The following PDZD2 variants were observed in gnomAD, a reference collection of about 807,000 sequenced individuals.
The protein encoded by PDZD2 is PDZ domain containing 2, also known as PDZ domain-containing protein 2.
Under a neutral mutation model 220.7 loss-of-function variants are expected in PDZD2, and 90 were observed. That is an observed-to-expected ratio of 0.41 (90% CI 0.34 to 0.49). The LOEUF is 0.49. PDZD2 is among the 20% of genes least tolerant of loss of function. The pLI is 0.28. For synonymous variants in PDZD2, 1,375 were observed against 1,450.5 expected, an observed-to-expected ratio of 0.95 and a Z score of 1.18; for missense variants, 3,174 against 3,608.5, an observed-to-expected ratio of 0.88 and a Z score of 3.08.
At chr5:31,659,674 C>T (rs1226376456) in intron 1 of PDZD2, among the ~76,000 whole-genome samples, 1 of 152,192 alleles carries the variant, frequency 6.6e-6, no homozygotes, top group African/African-American at 2.4e-5. Flanking sequence ...AAGACTTATT[C>T]TCATTTCTGG....
chr5:31,897,800 AATCTC>A (rs777935025), intron 2 of PDZD2, among the ~76,000 whole-genome samples: 147 of 151,852 alleles, frequency 9.7e-4, no homozygotes, highest in Non-Finnish European at 1.7e-3. Flanking sequence ...GCAGTGGTGA[AATCTC>A]AGCTCACTGC....
At chr5:31,881,364 GTGTGTA>G (rs1440234371) in intron 2 of PDZD2, among the ~76,000 whole-genome samples, 2,447 of 109,794 alleles carry the variant, frequency 0.022, 37 homozygotes, top group East Asian at 0.042. Flanking sequence ...GTGTGTGTGT[GTGTGTA>G]TATATTTTTT....
intron 5 of PDZD2, among the ~76,000 whole-genome samples, chr5:32,004,603 C>G (rs185627683): frequency 2.6e-5 from 4 of 152,226 alleles, no homozygotes; most frequent in Admixed American, 2.6e-4. Context: ...AAAACAAAAA[C>G]AAACAAATCC....
chr5:31,873,677 C>T (rs1175412832), intron 2 of PDZD2, among the ~76,000 whole-genome samples: 1 of 151,770 alleles, frequency 6.6e-6, no homozygotes, highest in Non-Finnish European at 1.5e-5. Flanking sequence ...GCTGGGATTA[C>T]AGGCATGAGC....
At chr5:31,990,841 G>A (rs1751152483) in intron 3 of PDZD2, among the ~76,000 whole-genome samples, 1 of 152,204 alleles carries the variant, frequency 6.6e-6, no homozygotes. Context: ...ATAAAACAGG[G>A]TGAAGTGAAA....
chr5:32,056,541 G>C (rs1479879098), intron 10 of PDZD2, among the ~76,000 whole-genome samples: 1 of 152,204 alleles, frequency 6.6e-6, no homozygotes, highest in Non-Finnish European at 1.5e-5. Flanking sequence ...GTGCAAACCA[G>C]AAACGAGCTC....
chr5:32,003,305 AC>A (rs1752470238), intron 5 of PDZD2, among the ~76,000 whole-genome samples: 3 of 78,448 alleles, frequency 3.8e-5, no homozygotes, highest in Non-Finnish European at 5.1e-5. Flanking sequence ...CAAACACCAC[AC>A]CACACACACC....
chr5:32,003,517 TACAC>T lies in PDZD2; in HGVS notation c.1254+3253_1254+3256del, dbSNP rs1179159506. Among the ~76,000 whole-genome samples, 759 of 102,528 alleles carry T rather than the reference TACAC, an allele frequency of 7.4e-3. 5 individuals are homozygous for T. The highest frequency in any genetic ancestry group is 0.029 in the African/African-American group (739 of 25,326). 67.3% of individuals were successfully genotyped at this position (102,528 alleles called of 152,430 possible). The stretch of plus-strand genomic sequence containing the variant: ...CCACATCATAAACAAACACCACACA[TACAC>T]ACACACGCACACACACACACAGAGG... On this transcript the variant is annotated intron_variant, in intron 5 of 24. Transcript: ENST00000438447.
In PDZD2 at chr5:32,074,051, G is replaced by A. The variant is rs755233671; in HGVS notation, c.2945G>A (p.Cys982Tyr). 1 of 1,614,090 alleles carries A rather than the reference G, an allele frequency of 6.2e-7. No individual in the cohort carries two copies. The highest frequency in any genetic ancestry group is 1.1e-5 in the South Asian group (1 of 91,080). Residue 982 changes from cysteine to tyrosine, a missense_variant, in exon 18 of 25, where the codon TGC becomes TAC. By Grantham distance (194) the Cys-to-Tyr change is radical. Around this residue, in one of 4 missense-constraint regions of PDZD2, gnomAD observed 1,861 missense variants for 2,001.0 expected, o/e 0.93. Transcript: ENST00000438447. ...DEEEFDREGDCISLPGALPGP... is the reference protein window; with the variant it reads ...DEEEFDREGDYISLPGALPGP... ...GAAGAGTTTGACAGAGAAGGGGACT[G>A]CATTTCACTCCCAGGGGCCCTCCCG...
intron 1 of PDZD2, among the ~76,000 whole-genome samples, chr5:31,717,807 C>G (rs970587442): frequency 1.3e-5 from 2 of 152,102 alleles, no homozygotes; most frequent in African/African-American, 4.8e-5. Flanking sequence ...GGAGGGAAGG[C>G]GGGAGCCCTT....
intron 2 of PDZD2, among the ~76,000 whole-genome samples, chr5:31,828,064 AT>A (rs1756337042): frequency 6.6e-6 from 1 of 152,220 alleles, no homozygotes; most frequent in Admixed American, 6.5e-5. Flanking sequence ...AGTATTCCAT[AT>A]GTTTAACCAC....
rs572855465 is a variant in PDZD2, at chr5:31,838,548, T to G, written c.476+38824T>G. 1.2e-4 allele frequency among the ~76,000 whole-genome samples: 18 copies of G among 152,372 alleles called. No homozygotes were observed. The South Asian group carries it at 3.1e-3, about 26-fold the overall frequency. On this transcript the variant is annotated intron_variant, in intron 2 of 24. Transcript: ENST00000438447. ...CCAAATTCAAACAGGTAAACAGTCA[T>G]GTCAATTTGCAGGTGAGTTTTCAAA...
At chr5:31,922,621 A>G (rs1480351010) in intron 2 of PDZD2, among the ~76,000 whole-genome samples, 1 of 152,002 alleles carries the variant, frequency 6.6e-6, no homozygotes, top group Non-Finnish European at 1.5e-5. Flanking sequence ...CACGGTAACT[A>G]CTCTGAAAGA....
intron 2 of PDZD2, among the ~76,000 whole-genome samples, chr5:31,826,026 T>C (rs535024702): frequency 1.3e-5 from 2 of 152,172 alleles, no homozygotes; most frequent in South Asian, 2.1e-4. Context: ...CCCCTCAATG[T>C]ACTCCTTTTT....
chr5:32,095,801 C>T (rs938535752), intron 21 of PDZD2, among the ~76,000 whole-genome samples: 11 of 146,868 alleles, frequency 7.5e-5, no homozygotes, highest in Non-Finnish European at 8.9e-5. Flanking sequence ...AGTGCAGTGG[C>T]GTGATCTCGG....
intron 19 of PDZD2, among the ~76,000 whole-genome samples, chr5:32,086,175 T>G (rs1742430488): frequency 6.6e-6 from 1 of 152,184 alleles, no homozygotes; most frequent in Non-Finnish European, 1.5e-5. Flanking sequence ...CCTCAGCCCC[T>G]GCACTAAAAA....
intron 15 of PDZD2, 67 bp from the exon 16 acceptor site, chr5:32,071,317 G>C (rs1445416386): frequency 1.8e-6 from 2 of 1,112,462 alleles, no homozygotes; most frequent in Non-Finnish European, 1.4e-6. Context: ...TTCTAGTTAA[G>C]GATGTGAGCC....
intron 2 of PDZD2, among the ~76,000 whole-genome samples, chr5:31,954,063 A>AT (rs1415000112): frequency 6.6e-6 from 1 of 151,736 alleles, no homozygotes; most frequent in Non-Finnish European, 1.5e-5. Flanking sequence ...TTATAGTGTG[A>AT]TATGATCGTG....
intron 1 of PDZD2, among the ~76,000 whole-genome samples, chr5:31,788,521 C>T (rs1414129559): frequency 1.3e-5 from 2 of 152,040 alleles, no homozygotes; most frequent in Admixed American, 6.5e-5. Context: ...AAAAATTAGC[C>T]GGGTGTGGTG....
Sources: gnomAD v4.1 joint callset for allele counts (sites outside exome capture counted in the v4.1 genomes callset) on GRCh38, gnomAD v4.1.1 for gene constraint, gnomAD v4.1.1 regional missense constraint, MANE v1.5 for transcripts, NCBI Gene and HGNC (gene_info 2026-07-23, HGNC 2026-07-21) for gene names.